The following SCAPER variants were observed in gnomAD, a reference collection of about 807,000 sequenced individuals.
SCAPER encodes the protein S-phase cyclin A associated protein in the ER.
A neutral mutation model predicts 182.2 loss-of-function variants in SCAPER; 98 were observed. The ratio of observed to expected loss-of-function variants is 0.54; its 90% CI spans 0.46 to 0.64. The LOEUF is 0.64. Ranked by LOEUF, SCAPER falls within the 30% of genes least tolerant of loss-of-function variation. The pLI is 0.00. For missense variants in SCAPER, 1,432 were observed against 1,690.0 expected (o/e 0.85, Z 2.68); for synonymous variants, 605 against 564.6 (o/e 1.07, Z -1.01).
chr15:76,516,105 C>G (rs1024066588), intron 23 of SCAPER, among the ~76,000 whole-genome samples: 45 of 151,872 alleles, frequency 3.0e-4, no homozygotes, highest in African/African-American at 1.1e-3. Flanking sequence ...ATCATCCTGT[C>G]TTACTCATCT....
intron 5 of SCAPER, among the ~76,000 whole-genome samples, chr15:76,811,121 CAAAAA>C (rs71447123): frequency 0.067 from 7,110 of 105,476 alleles, 518 homozygotes; most frequent in African/African-American, 0.2. Flanking sequence ...ATAGAATTTA[CAAAAA>C]AAAAAAAAAA....
chr15:76,890,565 T>C (rs1268911959), intron 1 of SCAPER, among the ~76,000 whole-genome samples: 4 of 152,096 alleles, frequency 2.6e-5, no homozygotes, highest in Admixed American at 1.3e-4. Context: ...TTAGAAAAAC[T>C]AGAAGAAATG....
At chr15:76,624,233 A>G (rs1437512903) in intron 21 of SCAPER, among the ~76,000 whole-genome samples, 1 of 152,222 alleles carries the variant, frequency 6.6e-6, no homozygotes, top group Non-Finnish European at 1.5e-5. Flanking sequence ...AATCAGTAGC[A>G]TTTCTATACA....
chr15:76,503,025 A>G (rs1040146848), intron 24 of SCAPER, among the ~76,000 whole-genome samples: 2 of 152,108 alleles, frequency 1.3e-5, no homozygotes, highest in African/African-American at 4.8e-5. Flanking sequence ...CCAATCAGAG[A>G]GCTTAGTGTC....
intron 5 of SCAPER, among the ~76,000 whole-genome samples, chr15:76,820,540 G>A (rs936162342): frequency 1.4e-5 from 2 of 143,392 alleles, no homozygotes; most frequent in African/African-American, 2.6e-5. Context: ...ATTGAACAAT[G>A]AGAACATAAG....
At chr15:76,494,330 C>T (rs980516273) in intron 24 of SCAPER, among the ~76,000 whole-genome samples, 1 of 152,210 alleles carries the variant, frequency 6.6e-6, no homozygotes, top group African/African-American at 2.4e-5. Context: ...CAAACAGCTA[C>T]ATGTGGTTTT....
At chr15:76,531,181 T>C (rs2043630060) in intron 23 of SCAPER, among the ~76,000 whole-genome samples, 1 of 152,150 alleles carries the variant, frequency 6.6e-6, no homozygotes, top group African/African-American at 2.4e-5. Context: ...TTCTTATGAA[T>C]ATATATTAGC....
At chr15:76,369,425 A>G (rs1401945432) in intron 29 of SCAPER, among the ~76,000 whole-genome samples, 2 of 152,258 alleles carry the variant, frequency 1.3e-5, no homozygotes, top group Non-Finnish European at 2.9e-5. Context: ...TAAGTATAGA[A>G]GTGAGGTGGA....
At chr15:76,818,002 T>C (rs966394214) in intron 5 of SCAPER, among the ~76,000 whole-genome samples, 21 of 152,092 alleles carry the variant, frequency 1.4e-4, no homozygotes, top group Admixed American at 1.3e-4. Context: ...GCCAATACAA[T>C]TTTGAAGAAC....
chr15:76,609,351 T>C (rs1291088538), intron 22 of SCAPER, among the ~76,000 whole-genome samples: 1 of 150,942 alleles, frequency 6.6e-6, no homozygotes, highest in Non-Finnish European at 1.5e-5. Flanking sequence ...ATGCTGGGCA[T>C]GGTGGCGTGT....
At chr15:76,366,155 G>A (rs1249741065) in intron 29 of SCAPER, among the ~76,000 whole-genome samples, 1 of 151,790 alleles carries the variant, frequency 6.6e-6, no homozygotes, top group East Asian at 1.9e-4. Context: ...ATAGACTAAC[G>A]GGATATGTGC....
At chr15:76,840,315 G>C (rs1599026491) in intron 5 of SCAPER, among the ~76,000 whole-genome samples, 1 of 151,650 alleles carries the variant, frequency 6.6e-6, no homozygotes, top group Non-Finnish European at 1.5e-5. Flanking sequence ...AGCTACTCAG[G>C]AGGCTGAGGC....
At chr15:76,873,527 A>G (rs984663800) in intron 2 of SCAPER, among the ~76,000 whole-genome samples, 1 of 152,198 alleles carries the variant, frequency 6.6e-6, no homozygotes, top group Non-Finnish European at 1.5e-5. Context: ...TCAATGTCAA[A>G]TGTGCACATA....
chr15:76,770,752 AAAAT>A (rs760431708), intron 10 of SCAPER, among the ~76,000 whole-genome samples: 2 of 152,158 alleles, frequency 1.3e-5, no homozygotes, highest in Non-Finnish European at 2.9e-5. Context: ...CTGCTAAAAC[AAAAT>A]AAATGACCAA....
chr15:76,658,699 A>G (rs8036703), intron 21 of SCAPER, among the ~76,000 whole-genome samples: 59,301 of 152,104 alleles, frequency 0.39, 13,282 homozygotes, highest in Middle Eastern at 0.52. Flanking sequence ...CCAAAACAGC[A>G]TGGTACTGGT....
chr15:76,408,700 A>G (rs1438900540), intron 26 of SCAPER, among the ~76,000 whole-genome samples: 2 of 151,776 alleles, frequency 1.3e-5, no homozygotes, highest in African/African-American at 4.8e-5. Flanking sequence ...CAAGGAAGGC[A>G]ACGCACAAGC....
chr15:76,496,569 C>A (rs1422834750), intron 24 of SCAPER, among the ~76,000 whole-genome samples: 1 of 152,050 alleles, frequency 6.6e-6, no homozygotes, highest in Non-Finnish European at 1.5e-5. Context: ...AGTGTGTTTA[C>A]CTTAGGACCT....
intron 28 of SCAPER, chr15:76,380,517 A>C (rs2042879429): frequency 6.6e-6 from 1 of 152,196 alleles, no homozygotes; most frequent in South Asian, 2.1e-4. Flanking sequence ...TCATCTCAGA[A>C]TGGCAAAGTC....
intron 11 of SCAPER, among the ~76,000 whole-genome samples, chr15:76,766,520 T>C (rs1478001871): frequency 1.3e-5 from 2 of 152,188 alleles, no homozygotes; most frequent in Non-Finnish European, 2.9e-5. Context: ...TTTTTTTTAA[T>C]AGAGACGGGG....
Sources: gnomAD v4.1 joint callset for allele counts (sites outside exome capture counted in the v4.1 genomes callset) on GRCh38, gnomAD v4.1.1 for gene constraint, MANE v1.5 for transcripts, NCBI Gene and HGNC (gene_info 2026-07-23, HGNC 2026-07-21) for gene names.